The following GSG1L variants were observed in gnomAD, a reference collection of about 807,000 sequenced individuals.
The protein encoded by GSG1L is GSG1 like.
Under a neutral mutation model 42.1 loss-of-function variants are expected in GSG1L, and 24 were observed. That is an observed-to-expected ratio of 0.57 (90% confidence interval 0.41 to 0.80). The LOEUF is 0.80. Among genes scored for constraint, GSG1L ranks in the 30% least tolerant of loss-of-function variants. The probability of loss-of-function intolerance (pLI) is 0.00; values close to 1 mark genes in which losing one functional copy is unlikely to be tolerated. For synonymous variants in GSG1L, 215 were observed against 203.5 expected, an observed-to-expected ratio of 1.06 and a Z score of -0.48; for missense variants, 445 against 472.2, an observed-to-expected ratio of 0.94 and a Z score of 0.53.
Position 27,872,984 on chromosome 16 carries a change from T to G in GSG1L, c.550+11502A>C, listed in dbSNP as rs548099429. On this transcript the variant is annotated intron_variant, in intron 3 of 6. Coordinates refer to ENST00000447459, the MANE Select transcript of GSG1L (RefSeq NM_001109763.2). ...CTATGGAGTAGTCATTCTTTATCCC[T>G]TTACTTTCCTAATAAAGTTGCTTTC... is the stretch of plus-strand genomic sequence containing the variant. Among the ~76,000 whole-genome samples, 4 of 152,324 alleles carry G rather than the reference T, an allele frequency of 2.6e-5. No homozygotes were observed. In the East Asian group the frequency reaches 7.7e-4, roughly 29 times the overall value.
intron 2 of GSG1L, among the ~76,000 whole-genome samples, chr16:27,901,355 G>T (rs1232939608): frequency 6.6e-6 from 1 of 152,166 alleles, no homozygotes; most frequent in Non-Finnish European, 1.5e-5. Flanking sequence ...GAGGTTTGTT[G>T]CCACCACACG....
chr16:27,999,034 C>A (rs2085551204), intron 1 of GSG1L, among the ~76,000 whole-genome samples: 1 of 152,194 alleles, frequency 6.6e-6, no homozygotes, highest in African/African-American at 2.4e-5. Flanking sequence ...TATATGTTTA[C>A]TTGTACATCT....
chr16:27,829,087 C>T, intron 4 of GSG1L, 131 bp from the exon 5 acceptor site: 1 of 807,432 alleles, frequency 1.2e-6, no homozygotes, highest in Non-Finnish European at 1.9e-6. Context: ...GTTACTGCCA[C>T]AGAGAAGGAT....
At chr16:27,885,076 G>T (rs1159868789) in intron 2 of GSG1L, among the ~76,000 whole-genome samples, 1 of 152,158 alleles carries the variant, frequency 6.6e-6, no homozygotes, top group African/African-American at 2.4e-5. Context: ...CTGCTGTATT[G>T]TTAGGCCAGT....
rs546408701 is a variant in GSG1L at position 27,828,717 on chromosome 16, G to A, written c.830+72C>T. ...TCATTCCAGTTTTTGACTGGGGCCC[G>A]GTGGCCACTGAGGCCAGGCCGTGGG... On this transcript the variant is annotated intron_variant, in intron 5 of 6. Coordinates refer to ENST00000447459, the MANE Select transcript of GSG1L (RefSeq NM_001109763.2). 6.3e-4 allele frequency: 908 copies of A among 1,442,170 alleles called. 5 individuals carry two copies. In the African/African-American group the frequency reaches 0.011, roughly 17 times the overall value. 89.3% of individuals were successfully genotyped at this position (1,442,170 alleles called of 1,614,324 possible).
intron 2 of GSG1L, among the ~76,000 whole-genome samples, chr16:27,918,906 C>T (rs2084491201): frequency 6.6e-6 from 1 of 152,062 alleles, no homozygotes. Flanking sequence ...ATGGATGATT[C>T]ATCATTCCCG....
intron 1 of GSG1L, among the ~76,000 whole-genome samples, chr16:28,052,693 A>C (rs2086233412): frequency 6.6e-6 from 1 of 152,212 alleles, no homozygotes; most frequent in Admixed American, 6.5e-5. Flanking sequence ...GTAAGAAGTC[A>C]ACTAGGGTTG....
At chr16:28,007,763 A>T (rs2085662009) in intron 1 of GSG1L, among the ~76,000 whole-genome samples, 1 of 152,068 alleles carries the variant, frequency 6.6e-6, no homozygotes, top group Non-Finnish European at 1.5e-5. Context: ...TGATCCACCC[A>T]CTTCAGCCTC....
At chr16:27,901,534 C>T (rs1261280460) in intron 2 of GSG1L, among the ~76,000 whole-genome samples, 2 of 152,198 alleles carry the variant, frequency 1.3e-5, no homozygotes, top group African/African-American at 4.8e-5. Flanking sequence ...ATCTCTGCTA[C>T]AGGAGCGGTT....
intron 6 of GSG1L, among the ~76,000 whole-genome samples, chr16:27,800,707 T>C (rs533722651): frequency 6.6e-6 from 1 of 152,282 alleles, no homozygotes; most frequent in Non-Finnish European, 1.5e-5. Context: ...CAGAAGTTTA[T>C]GTAATTGCTA....
intron 2 of GSG1L, among the ~76,000 whole-genome samples, chr16:27,953,216 A>G (rs1246718071): frequency 1.3e-5 from 2 of 152,138 alleles, no homozygotes; most frequent in Admixed American, 6.6e-5. Flanking sequence ...CAACCTCACA[A>G]GTAGCTGGGA....
At chr16:27,932,853 C>G (rs1018569185) in intron 2 of GSG1L, among the ~76,000 whole-genome samples, 3 of 152,040 alleles carry the variant, frequency 2.0e-5, no homozygotes, top group African/African-American at 4.8e-5. Flanking sequence ...AAGAATATCC[C>G]CTGGTGCTGG....
intron 2 of GSG1L, among the ~76,000 whole-genome samples, chr16:27,920,558 A>G (rs1483908480): frequency 1.3e-5 from 2 of 152,180 alleles, no homozygotes; most frequent in Non-Finnish European, 2.9e-5. Flanking sequence ...ATCTTGCAAA[A>G]TAGGAGTGAG....
At chr16:27,984,437 A>G (rs2085358265) in intron 1 of GSG1L, among the ~76,000 whole-genome samples, 1 of 152,204 alleles carries the variant, frequency 6.6e-6, no homozygotes, top group South Asian at 2.1e-4. Flanking sequence ...CATGAGTACA[A>G]GGATGCCCCA....
intron 6 of GSG1L, among the ~76,000 whole-genome samples, chr16:27,802,508 GT>G (rs1265524725): frequency 6.6e-6 from 1 of 152,112 alleles, no homozygotes; most frequent in Non-Finnish European, 1.5e-5. Context: ...TGGCGCAGGG[GT>G]TGTGGGGTCT....
intron 3 of GSG1L, among the ~76,000 whole-genome samples, chr16:27,881,363 T>C (rs1271501693): frequency 6.7e-6 from 1 of 150,056 alleles, no homozygotes; most frequent in Non-Finnish European, 1.5e-5. Context: ...TGCCTCAGCC[T>C]CCTAAGTAGC....
In GSG1L at chr16:27,850,023, C is replaced by CTTTTTTTTTTTTTTTTTT. The variant is rs57543425; in HGVS notation, c.551-4980_551-4963dup. On this transcript the variant is annotated intron_variant, in intron 3 of 6. Coordinates refer to ENST00000447459, the MANE Select transcript of GSG1L (RefSeq NM_001109763.2). ...TTTGTGCCATATTCATTTGAAATGC[C>CTTTTTTTTTTTTTTTTTT]TTTTTTTTTTTTTTTTTTTTTTGAG... Among the ~76,000 whole-genome samples, 2 of 70,068 alleles carry CTTTTTTTTTTTTTTTTTT rather than the reference C, an allele frequency of 2.9e-5. 1 individual carries two copies. Among genetic ancestry groups the CTTTTTTTTTTTTTTTTTT allele is most frequent in the East Asian group, 1.0e-3 (2 of 1,944 alleles). 46.0% of individuals were successfully genotyped at this position (70,068 alleles called of 152,430 possible). A position where few individuals can be genotyped will look rare whatever the true frequency, so the allele number is the denominator to read the frequency against.
chr16:27,846,509 T>C (rs923771887), intron 3 of GSG1L, among the ~76,000 whole-genome samples: 8 of 152,198 alleles, frequency 5.3e-5, no homozygotes, highest in South Asian at 2.1e-4. Context: ...TCTGAACTAT[T>C]AGTTTAGAAA....
rs986047340 is a variant in GSG1L, at chr16:27,990,996, A to G, written c.350-27793T>C. 8.5e-5 allele frequency among the ~76,000 whole-genome samples: 13 copies of G among 152,362 alleles called. No homozygotes were observed. In the South Asian group the frequency reaches 2.5e-3, roughly 29 times the overall value. ...AACTTAAAAAGAGTCTATGTGGTCA[A>G]TCGCTAGTCTTGCTCCACCTTATGC... On this transcript the variant is annotated intron_variant, in intron 1 of 6. Transcript: ENST00000447459.
Sources: gnomAD v4.1 joint callset for allele counts (sites outside exome capture counted in the v4.1 genomes callset) on GRCh38, gnomAD v4.1.1 for gene constraint, MANE v1.5 for transcripts, NCBI Gene and HGNC (gene_info 2026-07-23, HGNC 2026-07-21) for gene names.